MORN5: variants seen among roughly 807,000 people sequenced by gnomAD.
MORN5 encodes the protein MORN repeat-containing protein 5.
In MORN5, 21 loss-of-function variants were observed where a neutral mutation model predicts 22.1. That is an observed-to-expected ratio of 0.95 (90% CI 0.67 to 1.37). MORN5 has a LOEUF of 1.37. MORN5 is among the 40% of genes most tolerant of loss of function. The probability of loss-of-function intolerance (pLI) is 0.00; values close to 1 mark genes in which losing one functional copy is unlikely to be tolerated. For synonymous variants in MORN5, 73 were observed against 74.0 expected (o/e 0.99, Z 0.07); for missense variants, 211 against 215.1 (o/e 0.98, Z 0.12).
At chr9:122,191,412 A>G (rs1829762267) in intron 4 of MORN5, among the ~76,000 whole-genome samples, 1 of 152,190 alleles carries the variant, frequency 6.6e-6, no homozygotes, top group Non-Finnish European at 1.5e-5. Context: ...TGATGGAAGG[A>G]ATTGGGGCAA....
chr9:122,166,361 T>C (rs1024765157), intron 1 of MORN5, among the ~76,000 whole-genome samples: 1 of 152,050 alleles, frequency 6.6e-6, no homozygotes, highest in African/African-American at 2.4e-5. Flanking sequence ...ATTCCACTTG[T>C]GGCATAATAG....
intron 3 of MORN5, among the ~76,000 whole-genome samples, chr9:122,170,060 G>A (rs1370464207): frequency 1.3e-5 from 2 of 152,196 alleles, no homozygotes; most frequent in Non-Finnish European, 2.9e-5. Flanking sequence ...CACTTTGGGA[G>A]GCCAAGGCGG....
intron 4 of MORN5, among the ~76,000 whole-genome samples, chr9:122,196,966 AGC>A (rs1829907010): frequency 6.6e-6 from 1 of 152,222 alleles, no homozygotes; most frequent in Non-Finnish European, 1.5e-5. Context: ...CCCCGAATCT[AGC>A]ACAATGCCTG....
chr9:122,175,507 T>C (rs1829437039), intron 4 of MORN5: 2 of 985,282 alleles, frequency 2.0e-6, no homozygotes, highest in African/African-American at 1.7e-5. Context: ...ACTTATCCTT[T>C]TCTGAAGTCA....
At chr9:122,171,140 G>A (rs2118750476) in intron 3 of MORN5, among the ~76,000 whole-genome samples, 1 of 152,278 alleles carries the variant, frequency 6.6e-6, no homozygotes, top group East Asian at 1.9e-4. Context: ...ACAGAGCATA[G>A]AGCCAGAAAT....
intron 4 of MORN5, among the ~76,000 whole-genome samples, chr9:122,184,920 G>A (rs929390278): frequency 3.3e-5 from 5 of 152,316 alleles, no homozygotes; most frequent in East Asian, 1.9e-4. Flanking sequence ...AGAAAGAACC[G>A]AGGGCCTGCC....
intron 2 of MORN5, among the ~76,000 whole-genome samples, chr9:122,169,416 T>C (rs1829334254): frequency 6.6e-6 from 1 of 152,166 alleles, no homozygotes; most frequent in Non-Finnish European, 1.5e-5. Flanking sequence ...AGAGAGTGGG[T>C]CGTCTGCCCA....
chr9:122,179,705 G>A (rs757483344), intron 4 of MORN5, among the ~76,000 whole-genome samples: 1 of 152,180 alleles, frequency 6.6e-6, no homozygotes, highest in Non-Finnish European at 1.5e-5. Flanking sequence ...AGTTTGGAGT[G>A]TCCTGAAAAC....
chr9:122,199,340 T>C (rs1383869227), intron 4 of MORN5, among the ~76,000 whole-genome samples: 1 of 152,138 alleles, frequency 6.6e-6, no homozygotes, highest in African/African-American at 2.4e-5. Context: ...AAGGAGACAC[T>C]GCGTTTAGGG....
intron 4 of MORN5, among the ~76,000 whole-genome samples, chr9:122,195,746 T>G (rs1829873456): frequency 6.6e-6 from 1 of 152,220 alleles, no homozygotes. Flanking sequence ...CTTTCCATAC[T>G]GTACTCTTTG....
chr9:122,196,397 A>G (rs1054140449), intron 4 of MORN5, among the ~76,000 whole-genome samples: 2 of 150,446 alleles, frequency 1.3e-5, no homozygotes, highest in Non-Finnish European at 3.0e-5. Flanking sequence ...GCAGTGGCGC[A>G]ATCTCGGCTC....
intron 4 of MORN5, among the ~76,000 whole-genome samples, chr9:122,180,982 C>G (rs578162827): frequency 6.6e-6 from 1 of 152,354 alleles, no homozygotes; most frequent in South Asian, 2.1e-4. Context: ...GCACCTGCTC[C>G]TAGGTCCCTC....
intron 3 of MORN5, among the ~76,000 whole-genome samples, chr9:122,170,870 T>C (rs367584474): frequency 2.3e-4 from 35 of 152,262 alleles, no homozygotes; most frequent in African/African-American, 6.7e-4. Flanking sequence ...GAGAAATACC[T>C]AATGTAGATG....
chr9:122,181,150 C>A (rs1248893221), intron 4 of MORN5, among the ~76,000 whole-genome samples: 1 of 152,230 alleles, frequency 6.6e-6, no homozygotes, highest in East Asian at 1.9e-4. Context: ...GCTCTCAGGA[C>A]AAATCTGGTT....
rs147856509 is a variant in MORN5, at chr9:122,189,996, A to G, written c.440-9889A>G. 1.1e-4 allele frequency among the ~76,000 whole-genome samples: 16 copies of G among 152,146 alleles called. No homozygotes were observed. In the East Asian group the frequency reaches 2.7e-3, roughly 26 times the overall value. ...ATGGGACCTTCCTAAGAGATTTCCA[A>G]GGGTCATTATGACTATGGGAACTTT... On this transcript the variant is annotated intron_variant, in intron 4 of 4. Coordinates refer to ENST00000373764, the MANE Select transcript of MORN5 (RefSeq NM_198469.4).
chr9:122,160,397 A>G (rs1829173994), intron 1 of MORN5, among the ~76,000 whole-genome samples: 1 of 152,214 alleles, frequency 6.6e-6, no homozygotes, highest in Non-Finnish European at 1.5e-5. Flanking sequence ...AGATTAGGGA[A>G]GAGAGACTGG....
chr9:122,190,723 C>T (rs1441385464), intron 4 of MORN5, among the ~76,000 whole-genome samples: 1 of 152,270 alleles, frequency 6.6e-6, no homozygotes, highest in Non-Finnish European at 1.5e-5. Flanking sequence ...TTTGCCTAGG[C>T]AATGACTCCT....
rs534018729 is a variant in MORN5, at chr9:122,172,840, T to C, written c.308-1656T>C. On this transcript the variant is annotated intron_variant, in intron 3 of 4. Transcript: ENST00000373764. ...CTTAGGGGAGTTAAGGCAATGACAT[T>C]AAGAAATATTTCCTAAGCTCCTACT... 4.6e-5 allele frequency among the ~76,000 whole-genome samples: 7 copies of C among 152,258 alleles called. No homozygotes were observed. The South Asian group carries it at 1.5e-3, about 32-fold the overall frequency.
At position 122,190,458 on chromosome 9, in the gene MORN5, A is replaced by C. The variant is rs185624501; in HGVS notation, c.440-9427A>C. Among the ~76,000 whole-genome samples, 12 of 152,396 alleles carry C rather than the reference A, an allele frequency of 7.9e-5. No homozygotes were observed. The East Asian group carries it at 2.3e-3, about 29-fold the overall frequency. Reference sequence around the variant, plus strand: ...CCTACAATTGGATTTCAAGTGTAATAAAATTGTTTTGATTTCTAAATTTAA... The same window carrying C: ...CCTACAATTGGATTTCAAGTGTAATCAAATTGTTTTGATTTCTAAATTTAA... On this transcript the variant is annotated intron_variant, in intron 4 of 4. Transcript: ENST00000373764.
Sources: allele counts gnomAD v4.1 joint callset (sites outside exome capture counted in the v4.1 genomes callset), GRCh38; gene constraint gnomAD v4.1.1; transcripts MANE v1.5; gene names NCBI Gene and HGNC (gene_info 2026-07-23, HGNC 2026-07-21).